The following GKAP1 variants were observed in gnomAD, a reference collection of about 807,000 sequenced individuals.
GKAP1 encodes G kinase-anchoring protein 1.
GKAP1 carries 31 observed loss-of-function variants against 56.7 expected under a neutral mutation model. The observed-to-expected ratio is 0.55, with a 90% CI of 0.41 to 0.74. The LOEUF (loss-of-function observed/expected upper bound fraction) is 0.74. Among genes scored for constraint, GKAP1 ranks in the 30% least tolerant of loss-of-function variants. The pLI, the probability that GKAP1 is intolerant of heterozygous loss-of-function variation, is 0.00. For missense variants in GKAP1, 364 were observed against 402.3 expected, an observed-to-expected ratio of 0.90 and a Z score of 0.82; for synonymous variants, 151 against 138.6, an observed-to-expected ratio of 1.09 and a Z score of -0.63.
chr9:83,804,513 G>A (rs535908741), intron 3 of GKAP1, among the ~76,000 whole-genome samples: 1,298 of 76,530 alleles, frequency 0.017, 18 homozygotes, highest in Non-Finnish European at 0.023. Flanking sequence ...CGCCCCGTCC[G>A]GGAGGGAGGT....
chr9:83,787,056 G>A (rs1227051771), intron 5 of GKAP1, among the ~76,000 whole-genome samples: 2 of 152,050 alleles, frequency 1.3e-5, no homozygotes, highest in African/African-American at 2.4e-5. Flanking sequence ...ATCAATTTTT[G>A]TTAATTTTCC....
At chr9:83,757,276 C>T (rs1943493267) in intron 8 of GKAP1, among the ~76,000 whole-genome samples, 1 of 152,076 alleles carries the variant, frequency 6.6e-6, no homozygotes, top group African/African-American at 2.4e-5. Context: ...TGGTCTGCTC[C>T]AGCTAGAAGA....
chr9:83,785,175 T>C (rs1944043398), intron 5 of GKAP1, among the ~76,000 whole-genome samples: 1 of 152,178 alleles, frequency 6.6e-6, no homozygotes. Context: ...TCTCTGATAC[T>C]AAAGTTAAGG....
intron 8 of GKAP1, among the ~76,000 whole-genome samples, chr9:83,768,321 T>A (rs1250586230): frequency 1.3e-5 from 2 of 152,174 alleles, no homozygotes; most frequent in Non-Finnish European, 2.9e-5. Flanking sequence ...TTTCTCAGCT[T>A]ATACAGTTCC....
chr9:83,769,062 A>C, intron 7 of GKAP1, 92 bp from the exon 8 acceptor site: 1 of 892,772 alleles, frequency 1.1e-6, no homozygotes, highest in South Asian at 1.7e-5. Context: ...ATATGCATTT[A>C]GTACACCTAG....
chr9:83,808,501 G>C (rs540391317), intron 2 of GKAP1, among the ~76,000 whole-genome samples: 1 of 152,222 alleles, frequency 6.6e-6, no homozygotes, highest in African/African-American at 2.4e-5. Flanking sequence ...AGAGGCTGAG[G>C]CATGAGAATC....
intron 4 of GKAP1, among the ~76,000 whole-genome samples, chr9:83,795,814 A>G (rs1045820785): frequency 6.6e-6 from 1 of 151,972 alleles, no homozygotes; most frequent in South Asian, 2.1e-4. Context: ...TTGGCCTCCT[A>G]AAGTGCTGGG....
chr9:83,748,601 G>A, intron 9 of GKAP1: 6 of 261,170 alleles, frequency 2.3e-5, no homozygotes, highest in Non-Finnish European at 2.9e-5. Context: ...AAGGAGAGAG[G>A]GATAAAAGTG....
intron 6 of GKAP1, 60 bp from the exon 7 acceptor site, chr9:83,780,464 G>C: frequency 5.8e-6 from 1 of 172,822 alleles, no homozygotes; most frequent in Non-Finnish European, 1.1e-5. Context: ...ATACAAAAAT[G>C]TAAAAAAAAA....
intron 12 of GKAP1, 71 bp downstream of exon 12, chr9:83,741,881 T>G: frequency 1.1e-6 from 1 of 911,278 alleles, no homozygotes; most frequent in South Asian, 1.5e-5. Context: ...AATACTGCAT[T>G]TATTCTCACA....
intron 4 of GKAP1, among the ~76,000 whole-genome samples, chr9:83,795,556 ACT>A (rs1204714709): frequency 7.1e-6 from 1 of 141,574 alleles, no homozygotes; most frequent in Non-Finnish European, 1.5e-5. Flanking sequence ...ATGGTGGTAT[ACT>A]CTCTCAGTTA....
rs1587699123 is a variant in GKAP1, at chr9:83,759,658, T to C, written c.739-6299A>G. Among the ~76,000 whole-genome samples, 6 of 152,354 alleles carry C rather than the reference T, an allele frequency of 3.9e-5. No homozygotes were observed. The South Asian group carries it at 1.2e-3, about 32-fold the overall frequency. ...GGGTTTAATCTAGGGGTAGAATTTC[T>C]AGAACATAAGGTCATGCCCATTATC... is the stretch of plus-strand genomic sequence containing the variant. On this transcript the variant is annotated intron_variant, in intron 8 of 12. Transcript: ENST00000376371.
chr9:83,757,929 G>A (rs1235929656), intron 8 of GKAP1, among the ~76,000 whole-genome samples: 1 of 152,068 alleles, frequency 6.6e-6, no homozygotes, highest in African/African-American at 2.4e-5. Context: ...CCAAATGCTT[G>A]GTATGGAGAG....
chr9:83,772,643 AT>A (rs1943781736), intron 7 of GKAP1, among the ~76,000 whole-genome samples: 1 of 152,208 alleles, frequency 6.6e-6, no homozygotes, highest in African/African-American at 2.4e-5. Flanking sequence ...TCAATAAAAA[AT>A]TAAAAAGAAA....
chr9:83,783,468 C>G (rs1008969426), intron 6 of GKAP1, among the ~76,000 whole-genome samples: 1 of 152,148 alleles, frequency 6.6e-6, no homozygotes, highest in Non-Finnish European at 1.5e-5. Context: ...TAGTAGCTAC[C>G]ATACTGTACA....
chr9:83,797,995 A>C (rs1186709882), intron 4 of GKAP1, among the ~76,000 whole-genome samples: 1 of 152,240 alleles, frequency 6.6e-6, no homozygotes, highest in East Asian at 1.9e-4. Flanking sequence ...AAGATGATTT[A>C]TCCAGTATAC....
chr9:83,752,498 T>C (rs934228255), intron 9 of GKAP1, among the ~76,000 whole-genome samples: 1 of 152,066 alleles, frequency 6.6e-6, no homozygotes, highest in Non-Finnish European at 1.5e-5. Flanking sequence ...ATGATTCCAC[T>C]TACATGAGGT....
chr9:83,782,928 G>A (rs1381495831), intron 6 of GKAP1, among the ~76,000 whole-genome samples: 5 of 151,764 alleles, frequency 3.3e-5, no homozygotes, highest in Admixed American at 1.3e-4. Context: ...CGTTGTCCCC[G>A]CAAAGTGCTA....
chr9:83,814,565 A>G (rs544642140), intron 2 of GKAP1, among the ~76,000 whole-genome samples: 1 of 152,356 alleles, frequency 6.6e-6, no homozygotes, highest in South Asian at 2.1e-4. Flanking sequence ...TGATTTCAAG[A>G]TCCTGAAAGA....
Sources: gnomAD v4.1 joint callset for allele counts (sites outside exome capture counted in the v4.1 genomes callset) on GRCh38, gnomAD v4.1.1 for gene constraint, MANE v1.5 for transcripts, NCBI Gene and HGNC (gene_info 2026-07-23, HGNC 2026-07-21) for gene names.